Variants in MARCHF1 observed in about 807,000 individuals in gnomAD.
MARCHF1 encodes E3 ubiquitin-protein ligase MARCHF1.
In MARCHF1, 40 loss-of-function variants were observed where a neutral mutation model predicts 54.2. That is an observed-to-expected ratio of 0.74 (90% CI 0.57 to 0.96). MARCHF1 has a LOEUF of 0.96. MARCHF1 is among the 40% of genes least tolerant of loss of function. The pLI is 0.00. For missense variants in MARCHF1, 586 were observed against 656.5 expected (o/e 0.89, Z 1.17); for synonymous variants, 236 against 236.3 (o/e 1.00, Z 0.01).
intron 5 of MARCHF1, among the ~76,000 whole-genome samples, chr4:163,695,734 G>C (rs1017293043): frequency 6.6e-6 from 1 of 152,126 alleles, no homozygotes. Flanking sequence ...AGTACAAGCC[G>C]TTCTTTCCTT....
At chr4:163,545,346 T>C (rs1057510009) in intron 9 of MARCHF1, among the ~76,000 whole-genome samples, 9 of 152,240 alleles carry the variant, frequency 5.9e-5, no homozygotes, top group South Asian at 2.1e-4. Flanking sequence ...GTGCCATTTG[T>C]GTGTAACTGC....
At chr4:164,078,998 T>C (rs1026737753) in intron 2 of MARCHF1, among the ~76,000 whole-genome samples, 12 of 152,204 alleles carry the variant, frequency 7.9e-5, no homozygotes, top group African/African-American at 2.9e-4. Flanking sequence ...CAATCACGGA[T>C]GGTAAAGGGA....
chr4:164,183,198 C>T (rs1299143908), intron 1 of MARCHF1, among the ~76,000 whole-genome samples: 2 of 152,204 alleles, frequency 1.3e-5, no homozygotes, highest in East Asian at 1.9e-4. Context: ...TAAAAACTCA[C>T]CTCAAATCTC....
rs1216300354 is a variant in MARCHF1, at chr4:164,106,205, T to C, written c.-248+5383A>G. ...AGTTCAACCATTGTGGAAGTCAGTG[T>C]GGCGATTCCTCAGGGATCTAGAACT... On this transcript the variant is annotated intron_variant, in intron 2 of 9. Transcript: ENST00000514618. 5.0e-3 allele frequency among the ~76,000 whole-genome samples: 696 copies of C among 140,340 alleles called. 7 individuals carry two copies. The highest frequency in any genetic ancestry group is 0.019 in the African/African-American group (657 of 35,066). 92.1% of individuals were successfully genotyped at this position (140,340 alleles called of 152,430 possible).
intron 4 of MARCHF1, among the ~76,000 whole-genome samples, chr4:163,763,067 A>T (rs1746873808): frequency 6.6e-6 from 1 of 152,126 alleles, no homozygotes; most frequent in South Asian, 2.1e-4. Context: ...GTAGTAAAAG[A>T]GAAACCTTAA....
chr4:164,238,919 G>A (rs1732645444), intron 1 of MARCHF1, among the ~76,000 whole-genome samples: 1 of 151,758 alleles, frequency 6.6e-6, no homozygotes, highest in Non-Finnish European at 1.5e-5. Context: ...ACTTTATTTG[G>A]ATAATTGGAG....
At position 163,766,044 on chromosome 4, in the gene MARCHF1, T is replaced by G. The variant is rs188215876; in HGVS notation, c.112-65181A>C. ...AATTTATGTTGTGAGTTTCTTTCTATGATTATCAATGAGTTCTCACATGAG... is the reference window on the plus strand; with the variant it reads ...AATTTATGTTGTGAGTTTCTTTCTAGGATTATCAATGAGTTCTCACATGAG... On this transcript the variant is annotated intron_variant, in intron 4 of 9. Transcript: ENST00000514618. Among the ~76,000 whole-genome samples the G allele has an allele frequency of 3.3e-5, 5 of 151,460 alleles. No individual in the cohort carries two copies. The East Asian group carries it at 9.7e-4, about 29-fold the overall frequency.
intron 2 of MARCHF1, among the ~76,000 whole-genome samples, chr4:164,025,686 C>A: frequency 6.6e-6 from 1 of 150,652 alleles, no homozygotes. Context: ...AACAAACCAG[C>A]CAACCCCAAA....
At chr4:164,215,246 T>C (rs999698050) in intron 1 of MARCHF1, among the ~76,000 whole-genome samples, 3 of 152,294 alleles carry the variant, frequency 2.0e-5, no homozygotes, top group Admixed American at 6.5e-5. Flanking sequence ...GGTTTTCCCC[T>C]GGAGCATTCG....
At chr4:163,996,296 G>A (rs993096214) in intron 2 of MARCHF1, among the ~76,000 whole-genome samples, 6 of 151,908 alleles carry the variant, frequency 3.9e-5, no homozygotes, top group African/African-American at 1.4e-4. Flanking sequence ...ATGGGTCAAA[G>A]TTCAGAAAGT....
chr4:163,635,267 T>C (rs1265101590), intron 5 of MARCHF1, among the ~76,000 whole-genome samples: 14 of 126,222 alleles, frequency 1.1e-4, no homozygotes, highest in Non-Finnish European at 1.8e-4. Flanking sequence ...CTGAAGGAAA[T>C]AGAGACACAA....
At chr4:164,213,049 C>A (rs972846804) in intron 1 of MARCHF1, among the ~76,000 whole-genome samples, 1 of 151,726 alleles carries the variant, frequency 6.6e-6, no homozygotes, top group Non-Finnish European at 1.5e-5. Flanking sequence ...GACAAGCCTG[C>A]ATATATATTA....
chr4:164,266,856 C>G (rs1449762046), intron 1 of MARCHF1, among the ~76,000 whole-genome samples: 16 of 152,138 alleles, frequency 1.1e-4, no homozygotes, highest in Admixed American at 1.0e-3. Context: ...TAGAAAATGA[C>G]AAATTCTTCT....
intron 7 of MARCHF1, among the ~76,000 whole-genome samples, chr4:163,588,803 T>C (rs1289285947): frequency 6.6e-6 from 1 of 152,144 alleles, no homozygotes; most frequent in Non-Finnish European, 1.5e-5. Flanking sequence ...ATCTGGTAAA[T>C]GATTCAATTC....
At chr4:163,854,315 A>T (rs1334116630) in intron 3 of MARCHF1, 146 bp from the exon 4 acceptor site, 2 of 578,396 alleles carry the variant, frequency 3.5e-6, no homozygotes, top group Non-Finnish European at 5.9e-6. Context: ...GAGGAAAAGA[A>T]GAATATGCTG....
intron 5 of MARCHF1, among the ~76,000 whole-genome samples, chr4:163,649,850 A>T (rs1742902393): frequency 6.6e-6 from 1 of 151,904 alleles, no homozygotes; most frequent in Non-Finnish European, 1.5e-5. Flanking sequence ...AAGTGAGGGT[A>T]AGGGCAAAAT....
In MARCHF1 at chr4:164,197,590, A is replaced by G. The variant is rs559171396; in HGVS notation, c.-322-85928T>C. ...TTTACTTAAGAATTCCAGTTCTTCA[A>G]ATTCATCTGTGAGGGCTTCGAGTTT... On this transcript the variant is annotated intron_variant, in intron 1 of 9. Transcript: ENST00000514618. The G allele has an allele frequency of 3.7e-5, 59 of 1,613,174 alleles. No homozygotes were observed. In the East Asian group the frequency reaches 5.6e-4, roughly 15 times the overall value.
At chr4:164,176,913 ATT>A (rs1184317658) in intron 1 of MARCHF1, among the ~76,000 whole-genome samples, 5 of 136,576 alleles carry the variant, frequency 3.7e-5, no homozygotes, top group African/African-American at 1.1e-4. Context: ...CTTAAATTCA[ATT>A]TGTTATTTAT....
intron 1 of MARCHF1, among the ~76,000 whole-genome samples, chr4:164,378,607 C>T (rs1046783805): frequency 4.6e-5 from 7 of 152,204 alleles, no homozygotes; most frequent in Non-Finnish European, 1.0e-4. Context: ...TCAGCTCAGT[C>T]ACTGGGTGGA....
Sources: gnomAD v4.1 joint callset for allele counts (sites outside exome capture counted in the v4.1 genomes callset) on GRCh38, gnomAD v4.1.1 for gene constraint, MANE v1.5 for transcripts, NCBI Gene and HGNC (gene_info 2026-07-23, HGNC 2026-07-21) for gene names.